CNTN4: variants seen among roughly 807,000 people sequenced by gnomAD.
CNTN4 encodes contactin-4.
In CNTN4, 77 loss-of-function variants were observed where a neutral mutation model predicts 122.5. That is an observed-to-expected ratio of 0.63 (90% CI 0.52 to 0.76). CNTN4 has a LOEUF of 0.76. CNTN4 is among the 30% of genes least tolerant of loss of function. The pLI, the probability that CNTN4 is intolerant of heterozygous loss-of-function variation, is 0.00. For synonymous variants in CNTN4, 512 were observed against 447.0 expected (o/e 1.15, Z -1.83); for missense variants, 1,256 against 1,259.1 (o/e 1.00, Z 0.04).
At position 2,333,733 on chromosome 3, in the gene CNTN4, T is replaced by A. The variant is rs537148296; in HGVS notation, c.-144-5445T>A. ...ATTAGAAATGCATCCCAATTCTGAC[T>A]GAAAAATGCATTTAAATGTAATCTG... On this transcript the variant is annotated intron_variant, in intron 2 of 24. Coordinates refer to ENST00000418658, the MANE Select transcript of CNTN4 (RefSeq NM_175607.3). Among the ~76,000 whole-genome samples, 61 of 152,336 alleles carry A rather than the reference T, an allele frequency of 4.0e-4. 2 individuals are homozygous for A. The South Asian group carries it at 0.012, about 30-fold the overall frequency.
rs371960432 is a variant in CNTN4, at chr3:2,853,116, AAAAG to A, written c.455-13632_455-13629del. On this transcript the variant is annotated intron_variant, in intron 7 of 24. Coordinates refer to ENST00000418658, the MANE Select transcript of CNTN4 (RefSeq NM_175607.3). ...AAGGTAAAATAAGTCTCTAAGGAGA[AAAAG>A]AAATGACAAGGGTTTATATTATATT... is the stretch of plus-strand genomic sequence containing the variant. 9.2e-5 allele frequency among the ~76,000 whole-genome samples: 14 copies of A among 152,354 alleles called. 2 individuals carry two copies. The highest frequency in any genetic ancestry group is 3.1e-4 in the African/African-American group (13 of 41,594).
At chr3:2,685,075 T>A (rs1302192688) in intron 4 of CNTN4, among the ~76,000 whole-genome samples, 1 of 152,196 alleles carries the variant, frequency 6.6e-6, no homozygotes, top group East Asian at 1.9e-4. Context: ...TGTGTATACA[T>A]ATACATTAAG....
In CNTN4 at chr3:2,709,109, T is replaced by C. The variant is rs2149323049; in HGVS notation, c.56-27106T>C. Among the ~76,000 whole-genome samples, 1 of 152,286 alleles carries C rather than the reference T, an allele frequency of 6.6e-6. No individual in the cohort carries two copies. The highest frequency in any genetic ancestry group is 2.1e-4 in the South Asian group (1 of 4,828). On this transcript the variant is annotated intron_variant, in intron 4 of 24. Transcript: ENST00000418658. The surrounding 1 kb of genome is among the most constrained non-coding windows in gnomAD (Gnocchi z 5.0). Reference sequence around the variant, plus strand: ...TCATTTAGACCTCGGTGGCTGAGTTTTTAAGCTAGATCGTTACAAATGAAG... The same window carrying C: ...TCATTTAGACCTCGGTGGCTGAGTTCTTAAGCTAGATCGTTACAAATGAAG...
chr3:2,263,467 C>T (rs963837273), intron 2 of CNTN4, among the ~76,000 whole-genome samples: 1 of 151,988 alleles, frequency 6.6e-6, no homozygotes, highest in African/African-American at 2.4e-5. Flanking sequence ...ATTAAAGTAT[C>T]ATTTTTCTTT....
intron 3 of CNTN4, among the ~76,000 whole-genome samples, chr3:2,395,403 T>A (rs1051754952): frequency 6.6e-6 from 1 of 150,604 alleles, no homozygotes; most frequent in Non-Finnish European, 1.5e-5. Context: ...ATAAAAGTAT[T>A]TTATATATTA....
At chr3:2,863,752 G>T (rs1273482741) in intron 7 of CNTN4, among the ~76,000 whole-genome samples, 2 of 145,200 alleles carry the variant, frequency 1.4e-5, no homozygotes, top group Admixed American at 7.1e-5. Context: ...ACTCTCTAAG[G>T]AGTTTCAAGG....
intron 7 of CNTN4, among the ~76,000 whole-genome samples, chr3:2,834,944 G>T (rs1249137409): frequency 1.2e-5 from 1 of 83,422 alleles, no homozygotes; most frequent in East Asian, 3.8e-4. Context: ...TCTCTCTGTC[G>T]CCCAGGCTGG....
At chr3:2,665,207 T>C (rs2150324493) in intron 4 of CNTN4, among the ~76,000 whole-genome samples, 1 of 152,346 alleles carries the variant, frequency 6.6e-6, no homozygotes. Flanking sequence ...TGGTCTTGCA[T>C]CATTCTTGTG....
At chr3:3,014,879 G>GTTTTTTTTTTTTTTTTT (rs5846238) in intron 14 of CNTN4, among the ~76,000 whole-genome samples, 1 of 121,544 alleles carries the variant, frequency 8.2e-6, no homozygotes, top group Non-Finnish European at 1.7e-5. Flanking sequence ...CCCTCGATTG[G>GTTTTTTTTTTTTTTTTT]TTTTTTTTTT....
rs188162145 is a variant in CNTN4 at position 2,563,555 on chromosome 3, C to G, written c.-88-7861C>G. On this transcript the variant is annotated intron_variant, in intron 3 of 24. Coordinates refer to ENST00000418658, the MANE Select transcript of CNTN4 (RefSeq NM_175607.3). The stretch of plus-strand genomic sequence containing the variant: ...CTCCAACATTGTTTGCCAGTTTAAT[C>G]ACATACCCTTTTATGTTGCTGATTT... 2.9e-3 allele frequency among the ~76,000 whole-genome samples: 443 copies of G among 152,258 alleles called. 3 individuals are homozygous for G. The highest frequency in any genetic ancestry group is 0.01 in the African/African-American group (418 of 41,552).
chr3:2,500,420 T>A (rs1035621738), intron 3 of CNTN4, among the ~76,000 whole-genome samples: 11 of 152,166 alleles, frequency 7.2e-5, no homozygotes, highest in Admixed American at 2.0e-4. Context: ...GATAAAAGTA[T>A]AAAATTATAT....
At chr3:2,438,594 CCAAA>C (rs558019969) in intron 3 of CNTN4, among the ~76,000 whole-genome samples, 95 of 152,214 alleles carry the variant, frequency 6.2e-4, no homozygotes, top group African/African-American at 2.3e-3. Context: ...TGTAGCAGGC[CCAAA>C]CAATGTCTTT....
At chr3:2,242,380 A>T (rs569561009) in intron 2 of CNTN4, among the ~76,000 whole-genome samples, 95 of 152,244 alleles carry the variant, frequency 6.2e-4, no homozygotes, top group African/African-American at 1.3e-3. Flanking sequence ...TTCAGACTCA[A>T]GATAGAAAGG....
chr3:2,642,093 G>C (rs1278127985), intron 4 of CNTN4, among the ~76,000 whole-genome samples: 1 of 152,218 alleles, frequency 6.6e-6, no homozygotes, highest in African/African-American at 2.4e-5. Flanking sequence ...GCAATAGGCT[G>C]TCTGCAAGCT....
chr3:2,842,605 C>T lies in CNTN4; in HGVS notation c.454+23024C>T, dbSNP rs137969109. ...AGTCATCTCTACATCTTCTCTTTCA[C>T]GGACTCTTACCCTCAGTCCATTGGG... On this transcript the variant is annotated intron_variant, in intron 7 of 24. Transcript: ENST00000418658. Among the ~76,000 whole-genome samples the T allele has an allele frequency of 4.8e-3, 735 of 152,290 alleles. 7 individuals carry two copies. Among genetic ancestry groups the T allele is most frequent in the African/African-American group, 0.016 (675 of 41,570 alleles).
intron 7 of CNTN4, among the ~76,000 whole-genome samples, chr3:2,836,983 A>G (rs1381649311): frequency 6.6e-6 from 1 of 152,206 alleles, no homozygotes. Context: ...GGACGTAAAG[A>G]CAAACAAGAA....
chr3:2,585,200 A>C (rs943397491), intron 4 of CNTN4, among the ~76,000 whole-genome samples: 4 of 152,298 alleles, frequency 2.6e-5, no homozygotes, highest in Non-Finnish European at 5.9e-5. Context: ...CAGGTGCTGG[A>C]GAGGATGTGG....
intron 4 of CNTN4, among the ~76,000 whole-genome samples, chr3:2,604,755 C>T (rs2081189483): frequency 2.6e-5 from 4 of 152,272 alleles, no homozygotes; most frequent in South Asian, 2.1e-4. Flanking sequence ...GATAAGAATA[C>T]ACCCATGAAA....
chr3:2,246,785 G>A (rs1403309867), intron 2 of CNTN4, among the ~76,000 whole-genome samples: 1 of 151,996 alleles, frequency 6.6e-6, no homozygotes, highest in African/African-American at 2.4e-5. Context: ...CATAGATGAA[G>A]TTTGATGGGG....
Sources: allele counts gnomAD v4.1 joint callset (sites outside exome capture counted in the v4.1 genomes callset), GRCh38; gene constraint gnomAD v4.1.1; non-coding constraint Gnocchi (gnomAD v3.1); transcripts MANE v1.5; gene names NCBI Gene and HGNC (gene_info 2026-07-23, HGNC 2026-07-21).